TSPEAR: variants seen among roughly 807,000 people sequenced by gnomAD.
The protein encoded by TSPEAR is thrombospondin-type laminin G domain and EAR repeat-containing protein.
Under a neutral mutation model 71.6 loss-of-function variants are expected in TSPEAR, and 69 were observed. The ratio of observed to expected loss-of-function variants is 0.96; its 90% CI spans 0.79 to 1.18. TSPEAR has a LOEUF of 1.18. Among genes scored for constraint, TSPEAR ranks in the 50% most tolerant of loss-of-function variants. The probability of loss-of-function intolerance (pLI) is 0.00; values close to 1 mark genes in which losing one functional copy is unlikely to be tolerated. For missense variants in TSPEAR, 971 were observed against 894.9 expected (o/e 1.09, Z -1.09); for synonymous variants, 402 against 387.2 (o/e 1.04, Z -0.45).
At chr21:44,601,764 A>T (rs374082838) in intron 1 of TSPEAR, 6 of 1,587,448 alleles carry the variant, frequency 3.8e-6, no homozygotes, top group Admixed American at 1.7e-5. Context: ...CCAAAGCCTG[A>T]GTGCTCACTG....
At position 44,618,056 on chromosome 21, in the gene TSPEAR, G is replaced by A. The variant is rs1432489326; in HGVS notation, c.83-50051C>T. Among the ~76,000 whole-genome samples the A allele has an allele frequency of 2.0e-5, 3 of 152,212 alleles. No homozygotes were observed. The East Asian group carries it at 5.8e-4, about 29-fold the overall frequency. On this transcript the variant is annotated intron_variant, in intron 1 of 11. Transcript: ENST00000323084. The stretch of plus-strand genomic sequence containing the variant: ...GGGCCTGTCCCTCCACAGAACATCA[G>A]AAACTGGCAAAACAAACAGATATGG...
In TSPEAR at chr21:44,627,693, T is replaced by G. The variant is rs369253717; in HGVS notation, c.83-59688A>C. On this transcript the variant is annotated intron_variant, in intron 1 of 11. Coordinates refer to ENST00000323084, the MANE Select transcript of TSPEAR (RefSeq NM_144991.3). ...CTAGCTGCCAGCCAGCTTGCTGCAC[T>G]TCCTCCCCCTGCCAGCAGTCCTACT... 87 of 1,597,118 alleles carry G rather than the reference T, an allele frequency of 5.4e-5. 1 individual carries two copies. Among genetic ancestry groups the G allele is most frequent in the Non-Finnish European group, 7.3e-5 (85 of 1,171,968 alleles).
chr21:44,646,461 G>T, intron 1 of TSPEAR: 2 of 1,606,546 alleles, frequency 1.2e-6, no homozygotes, highest in Non-Finnish European at 8.5e-7. Context: ...ACCCCAGCAT[G>T]GCCGCGTCCA....
chr21:44,704,237 C>T (rs1555951941), intron 1 of TSPEAR, among the ~76,000 whole-genome samples: 1 of 112 alleles, frequency 8.9e-3, no homozygotes, highest in African/African-American at 0.031. Context: ...CCCCTGCTTC[C>T]CTGGGTACCC....
Position 44,514,614 on chromosome 21 carries a change from T to C in TSPEAR, c.1567-5228A>G, listed in dbSNP as rs140721101. ...CTTAGAAGCCAAACCTATTTTGGAGTCCACATTTGGTGACCGCGACTGCAC... is the reference window on the plus strand; with the variant it reads ...CTTAGAAGCCAAACCTATTTTGGAGCCCACATTTGGTGACCGCGACTGCAC... On this transcript the variant is annotated intron_variant, in intron 9 of 11. Coordinates refer to ENST00000323084, the MANE Select transcript of TSPEAR (RefSeq NM_144991.3). 7.2e-3 allele frequency among the ~76,000 whole-genome samples: 1,103 copies of C among 152,176 alleles called. 15 individuals carry two copies. Among genetic ancestry groups the C allele is most frequent in the African/African-American group, 0.023 (964 of 41,494 alleles).
Position 44,579,930 on chromosome 21 carries a change from G to A in TSPEAR, c.83-11925C>T, listed in dbSNP as rs1489894629. 6.8e-6 allele frequency: 11 copies of A among 1,613,906 alleles called. No homozygotes were observed. In the Admixed American group the frequency reaches 1.0e-4, roughly 15 times the overall value. ...CAGAGGAGGGACACGGAGGAGGAGG[G>A]TCTGCAGCAGGAGGTGGTGCAGCAA... On this transcript the variant is annotated intron_variant, in intron 1 of 11. Coordinates refer to ENST00000323084, the MANE Select transcript of TSPEAR (RefSeq NM_144991.3).
At chr21:44,500,062 C>G (rs782203761) in intron 11 of TSPEAR, 126 bp from the exon 12 acceptor site, 15 of 968,658 alleles carry the variant, frequency 1.5e-5, no homozygotes, top group Non-Finnish European at 2.1e-5. Context: ...TTCCATCCCC[C>G]CGACTGGCAC....
intron 1 of TSPEAR, among the ~76,000 whole-genome samples, chr21:44,693,630 C>A (rs1987208409): frequency 7.1e-6 from 1 of 141,432 alleles, no homozygotes; most frequent in African/African-American, 2.8e-5. Context: ...TACTTCACAC[C>A]TACCAGGATG....
At chr21:44,561,375 G>A (rs1161831110) in intron 2 of TSPEAR, among the ~76,000 whole-genome samples, 1 of 152,140 alleles carries the variant, frequency 6.6e-6, no homozygotes, top group African/African-American at 2.4e-5. Flanking sequence ...GGGACCAGAT[G>A]GATTCACAGC....
At chr21:44,557,757 AG>A in intron 2 of TSPEAR, 1 of 454,348 alleles carries the variant, frequency 2.2e-6, no homozygotes, top group Non-Finnish European at 3.9e-6. Flanking sequence ...TTCTTCCCAC[AG>A]GGTTTGCCAG....
At chr21:44,621,421 C>T (rs1048695604) in intron 1 of TSPEAR, among the ~76,000 whole-genome samples, 8 of 152,178 alleles carry the variant, frequency 5.3e-5, no homozygotes, top group Non-Finnish European at 8.8e-5. Flanking sequence ...TTAATCACTA[C>T]ATAATGTCCT....
intron 9 of TSPEAR, chr21:44,518,550 G>C (rs1418871911): frequency 4.6e-6 from 2 of 436,072 alleles, no homozygotes; most frequent in East Asian, 1.4e-4. Flanking sequence ...CAGGACAGCA[G>C]CCTCTCCGTG....
intron 6 of TSPEAR, 124 bp from the exon 7 acceptor site, chr21:44,527,642 G>A: frequency 1.1e-6 from 1 of 889,750 alleles, no homozygotes; most frequent in Non-Finnish European, 1.8e-6. Flanking sequence ...TCAGCCTCGG[G>A]CATCAGTTTC....
intron 9 of TSPEAR, chr21:44,515,498 C>G (rs587697067): frequency 1.3e-5 from 2 of 152,358 alleles, no homozygotes; most frequent in Non-Finnish European, 2.9e-5. Context: ...TTCTTTCAGG[C>G]GGATGTCACC....
At chr21:44,534,356 T>G (rs1601378829) in intron 2 of TSPEAR, among the ~76,000 whole-genome samples, 1 of 61,756 alleles carries the variant, frequency 1.6e-5, no homozygotes, top group African/African-American at 6.9e-5. Flanking sequence ...GGGGCGGGGC[T>G]GGTGTGTGTG....
chr21:44,612,778 C>T lies in TSPEAR; in HGVS notation c.83-44773G>A, dbSNP rs1555931493. On this transcript the variant is annotated intron_variant, in intron 1 of 11. Transcript: ENST00000323084. The surrounding 1 kb of genome is among the most constrained non-coding windows in gnomAD (Gnocchi z 4.1). ...GGCCTGCCTGCTGTGTGCCTGTCCC[C>T]TCCTGTTGTGTCCCTGCCTCCTCCT... 1.2e-6 allele frequency: 2 copies of T among 1,613,534 alleles called. No individual in the cohort carries two copies. The highest frequency in any genetic ancestry group is 8.5e-7 in the Non-Finnish European group (1 of 1,179,964).
chr21:44,681,004 G>C (rs1986558905), intron 1 of TSPEAR, among the ~76,000 whole-genome samples: 1 of 152,230 alleles, frequency 6.6e-6, no homozygotes, highest in Non-Finnish European at 1.5e-5. Context: ...CTAGAAGAGA[G>C]AGTGTAAAAT....
chr21:44,619,846 G>A (rs1555933215), intron 1 of TSPEAR, among the ~76,000 whole-genome samples: 1 of 152,180 alleles, frequency 6.6e-6, no homozygotes, highest in Non-Finnish European at 1.5e-5. Context: ...GCAGATGAGA[G>A]AATGAAGAAA....
In TSPEAR at chr21:44,702,168, A is replaced by G. The variant is rs1269151456; in HGVS notation, c.82+9265T>C. On this transcript the variant is annotated intron_variant, in intron 1 of 11. Coordinates refer to ENST00000323084, the MANE Select transcript of TSPEAR (RefSeq NM_144991.3). ...TGGAGACTGAAGCGATGGAGCAGAGACCACCATCCACCCCACAGAGCAAAA... is the reference window on the plus strand; with the variant it reads ...TGGAGACTGAAGCGATGGAGCAGAGGCCACCATCCACCCCACAGAGCAAAA... 5 of 1,424,396 alleles carry G rather than the reference A, an allele frequency of 3.5e-6. No homozygotes were observed. The African/African-American group carries it at 7.1e-5, about 20-fold the overall frequency. 88.2% of individuals were successfully genotyped at this position (1,424,396 alleles called of 1,614,324 possible).
Sources: allele counts gnomAD v4.1 joint callset (sites outside exome capture counted in the v4.1 genomes callset), GRCh38; gene constraint gnomAD v4.1.1; non-coding constraint Gnocchi (gnomAD v3.1); transcripts MANE v1.5; gene names NCBI Gene and HGNC (gene_info 2026-07-23, HGNC 2026-07-21).